The following GRIK3 variants were observed in gnomAD, a reference collection of about 807,000 sequenced individuals.
GRIK3 encodes the protein glutamate ionotropic receptor kainate type subunit 3.
In GRIK3, 29 loss-of-function variants were observed where a neutral mutation model predicts 102.5. That is an observed-to-expected ratio of 0.28 (90% CI 0.21 to 0.39). The LOEUF is 0.39. Among genes scored for constraint, GRIK3 ranks in the 10% least tolerant of loss-of-function variants. GRIK3 has a pLI of 1.00. For missense variants in GRIK3, 908 were observed against 1,252.4 expected (o/e 0.73, Z 4.15); for synonymous variants, 511 against 504.9 (o/e 1.01, Z -0.16).
intron 10 of GRIK3, among the ~76,000 whole-genome samples, chr1:36,826,806 C>T (rs1025429700): frequency 6.6e-6 from 1 of 151,974 alleles, no homozygotes; most frequent in African/African-American, 2.4e-5. Context: ...AAATTTTAGC[C>T]CATCACAATT....
chr1:36,874,379 A>C (rs1228026475), intron 3 of GRIK3, among the ~76,000 whole-genome samples: 1 of 152,216 alleles, frequency 6.6e-6, no homozygotes, highest in Admixed American at 6.5e-5. Context: ...ATGACTGGGC[A>C]TCAGGAACCC....
At chr1:36,888,641 G>C (rs1016491203) in intron 2 of GRIK3, among the ~76,000 whole-genome samples, 2 of 152,078 alleles carry the variant, frequency 1.3e-5, no homozygotes, top group Admixed American at 1.3e-4. Flanking sequence ...TAAACACTTT[G>C]GGATCCCCAG....
chr1:36,840,954 G>A (rs1160688808), intron 10 of GRIK3, among the ~76,000 whole-genome samples: 1 of 152,178 alleles, frequency 6.6e-6, no homozygotes, highest in African/African-American at 2.4e-5. Context: ...TGAGGAAGGG[G>A]TGTCAACATG....
intron 2 of GRIK3, among the ~76,000 whole-genome samples, chr1:36,889,013 T>C (rs1315931240): frequency 2.0e-5 from 3 of 152,082 alleles, no homozygotes; most frequent in Non-Finnish European, 4.4e-5. Context: ...AGGACTGATT[T>C]TGTGCCTCCT....
chr1:36,876,399 A>G (rs576577439), intron 3 of GRIK3, among the ~76,000 whole-genome samples: 1 of 152,144 alleles, frequency 6.6e-6, no homozygotes, highest in East Asian at 1.9e-4. Flanking sequence ...ATTGGCCTCT[A>G]CCTTCTGTAT....
intron 1 of GRIK3, among the ~76,000 whole-genome samples, chr1:37,026,084 G>C (rs569132351): frequency 2.0e-5 from 3 of 152,284 alleles, no homozygotes; most frequent in South Asian, 2.1e-4. Flanking sequence ...CAGGAGGTGA[G>C]ATTGTACTCC....
chr1:36,890,984 G>A lies in GRIK3; in HGVS notation c.228C>T (p.Asn76=). 4 of 1,614,062 alleles carry A rather than the reference G, an allele frequency of 2.5e-6. No homozygotes were observed. Among genetic ancestry groups the A allele is most frequent in the African/African-American group, 1.3e-5 (1 of 75,056 alleles). ...IINRNRTLLP[N]TTLTYDIQRI... ...TCTGTATGTCATAGGTCAAGGTTGT[G>A]TTGGGCAGCAGAGTCCTGTTCCTGT... The change falls in exon 2 of 16, where the codon AAC becomes AAT. Residue 76 remains asparagine, a synonymous_variant. Coordinates refer to ENST00000373091, the MANE Select transcript of GRIK3 (RefSeq NM_000831.4).
chr1:36,824,685 G>A (rs1244290672), intron 11 of GRIK3, among the ~76,000 whole-genome samples: 1 of 152,208 alleles, frequency 6.6e-6, no homozygotes, highest in African/African-American at 2.4e-5. Context: ...ACCAGATCAG[G>A]GGCTGGGGCT....
intron 9 of GRIK3, among the ~76,000 whole-genome samples, chr1:36,846,286 A>C (rs1035037712): frequency 7.2e-5 from 11 of 152,178 alleles, no homozygotes; most frequent in Admixed American, 4.6e-4. Context: ...CTGAGGGGCC[A>C]GAAAGGGCAG....
chr1:36,944,317 T>G (rs556302221), intron 1 of GRIK3, among the ~76,000 whole-genome samples: 7 of 152,330 alleles, frequency 4.6e-5, no homozygotes, highest in African/African-American at 1.4e-4. Context: ...GGGATGAACT[T>G]GGTTGAAGAA....
chr1:36,814,520 C>CCCACA (rs1553173908), intron 13 of GRIK3, among the ~76,000 whole-genome samples: 28 of 134,348 alleles, frequency 2.1e-4, no homozygotes, highest in African/African-American at 8.0e-4. Context: ...CCCCCCCCCC[C>CCCACA]CACACACAGA....
At chr1:36,831,768 G>A (rs1232437195) in intron 10 of GRIK3, among the ~76,000 whole-genome samples, 2 of 152,176 alleles carry the variant, frequency 1.3e-5, no homozygotes, top group Non-Finnish European at 2.9e-5. Context: ...TACTTTAATT[G>A]AATTTTAATT....
chr1:36,958,087 C>T (rs1191349114), intron 1 of GRIK3, among the ~76,000 whole-genome samples: 5 of 45,146 alleles, frequency 1.1e-4, no homozygotes, highest in East Asian at 7.6e-4. Flanking sequence ...TTTGAATCTG[C>T]GCCCTGTGAG....
At chr1:36,836,629 T>G (rs1640382363) in intron 10 of GRIK3, among the ~76,000 whole-genome samples, 1 of 152,238 alleles carries the variant, frequency 6.6e-6, no homozygotes, top group Non-Finnish European at 1.5e-5. Context: ...GATGACTCTT[T>G]GTCTCCATTG....
chr1:36,853,776 C>T (rs992397542), intron 7 of GRIK3, 54 bp from the exon 8 acceptor site: 67 of 937,536 alleles, frequency 7.1e-5, no homozygotes, highest in South Asian at 3.5e-4. Context: ...AATCATCATT[C>T]GGTACAACTG....
chr1:36,895,601 C>A (rs1641163820), intron 1 of GRIK3, among the ~76,000 whole-genome samples: 1 of 151,936 alleles, frequency 6.6e-6, no homozygotes, highest in Non-Finnish European at 1.5e-5. Context: ...AAGCAAAGAG[C>A]AGAAAGACTG....
rs75460592 is a variant in GRIK3, at chr1:36,891,077, C to T, written c.135G>A (p.Ala45=). 61 of 1,612,516 alleles carry T rather than the reference C, an allele frequency of 3.8e-5. No individual in the cohort carries two copies. Among genetic ancestry groups the T allele is most frequent in the Middle Eastern group, 1.7e-4 (1 of 6,048 alleles). The change falls in exon 2 of 16, where the codon GCG becomes GCA. Residue 45 remains alanine, a synonymous_variant. Coordinates refer to ENST00000373091, the MANE Select transcript of GRIK3 (RefSeq NM_000831.4). Reference sequence around the variant, plus strand: ...TCATGACCTGGGCGTTGGGGCCGTCCGCATACTCGAAGATTCCTCCTGTGA... The same window carrying T: ...TCATGACCTGGGCGTTGGGGCCGTCTGCATACTCGAAGATTCCTCCTGTGA... ...VIRIGGIFEY[A]DGPNAQVMNA...
intron 1 of GRIK3, among the ~76,000 whole-genome samples, chr1:36,996,000 T>C (rs1642415665): frequency 6.6e-6 from 1 of 152,230 alleles, no homozygotes; most frequent in South Asian, 2.1e-4. Context: ...AGAGGCTCTG[T>C]GCTGGGCTGA....
intron 2 of GRIK3, among the ~76,000 whole-genome samples, chr1:36,886,028 C>G (rs912847515): frequency 6.6e-6 from 1 of 152,188 alleles, no homozygotes; most frequent in Non-Finnish European, 1.5e-5. Flanking sequence ...CTGGGGAGCC[C>G]TGGGTCAATT....
Sources: gnomAD v4.1 joint callset for allele counts (sites outside exome capture counted in the v4.1 genomes callset) on GRCh38, gnomAD v4.1.1 for gene constraint, MANE v1.5 for transcripts, NCBI Gene and HGNC (gene_info 2026-07-23, HGNC 2026-07-21) for gene names.